The following USP10 variants were observed in gnomAD, a reference collection of about 807,000 sequenced individuals.
USP10 encodes ubiquitin specific peptidase 10, also known as ubiquitin carboxyl-terminal hydrolase 10.
In USP10, 22 loss-of-function variants were observed where a neutral mutation model predicts 84.5. The observed-to-expected ratio is 0.26, with a 90% confidence interval of 0.19 to 0.37. USP10 has a LOEUF of 0.37. USP10 is among the 10% of genes least tolerant of loss of function. The pLI, the probability that USP10 is intolerant of heterozygous loss-of-function variation, is 1.00. For synonymous variants in USP10, 454 were observed against 387.6 expected, an observed-to-expected ratio of 1.17 and a Z score of -2.01; for missense variants, 1,019 against 998.9, an observed-to-expected ratio of 1.02 and a Z score of -0.27.
chr16:84,777,538 G>A (rs1915142837), intron 13 of USP10, among the ~76,000 whole-genome samples: 1 of 152,190 alleles, frequency 6.6e-6, no homozygotes, highest in Admixed American at 6.5e-5. Context: ...TGGATTGGCT[G>A]TGTCCCTGGC....
At chr16:84,754,124 C>T (rs938881219) in intron 4 of USP10, among the ~76,000 whole-genome samples, 1 of 152,116 alleles carries the variant, frequency 6.6e-6, no homozygotes, top group East Asian at 1.9e-4. Context: ...AGGAGGCACA[C>T]AGCACTAATA....
intron 1 of USP10, among the ~76,000 whole-genome samples, chr16:84,712,657 T>G (rs1174725894): frequency 1.3e-5 from 2 of 152,186 alleles, no homozygotes; most frequent in Non-Finnish European, 2.9e-5. Flanking sequence ...TGAGAGCTGA[T>G]GAAGAAGAGG....
chr16:84,766,520 C>T (rs902563870), intron 10 of USP10, among the ~76,000 whole-genome samples: 1 of 152,256 alleles, frequency 6.6e-6, no homozygotes, highest in Admixed American at 6.5e-5. Flanking sequence ...ATTGTGAGGA[C>T]ACCCCCTCGG....
At chr16:84,742,670 C>T (rs568746768) in intron 3 of USP10, among the ~76,000 whole-genome samples, 1 of 152,320 alleles carries the variant, frequency 6.6e-6, no homozygotes, top group African/African-American at 2.4e-5. Flanking sequence ...TGCACTTCGT[C>T]TGCCTGGCAC....
In USP10 at chr16:84,745,273, G is replaced by A. The variant is rs751447406; in HGVS notation, c.792G>A (p.Leu264=). 1.9e-5 allele frequency: 31 copies of A among 1,613,298 alleles called. No homozygotes were observed. In the South Asian group the frequency reaches 3.0e-4, roughly 15 times the overall value. ...CFPAEAGRDT[L]SRTAGAQPCV... ...CTGCAGAGGCTGGCAGAGACACCCT[G>A]TCAAGGACAGCTGGGGCTCAGCCCT... Residue 264 remains leucine (L), a synonymous_variant, in exon 4 of 14, where the codon CTG becomes CTA. Coordinates refer to ENST00000219473, the MANE Select transcript of USP10 (RefSeq NM_005153.3).
At chr16:84,752,427 A>G (rs375280033) in intron 4 of USP10, among the ~76,000 whole-genome samples, 27 of 152,358 alleles carry the variant, frequency 1.8e-4, no homozygotes, top group East Asian at 1.5e-3. Flanking sequence ...GTCAAGTTTC[A>G]ACCTAGAAGT....
intron 1 of USP10, among the ~76,000 whole-genome samples, chr16:84,730,818 T>C (rs1295118228): frequency 6.6e-6 from 1 of 152,176 alleles, no homozygotes; most frequent in East Asian, 1.9e-4. Context: ...TTATTTTCCA[T>C]TGTCTAGGAA....
chr16:84,707,661 C>T (rs1188663612), intron 1 of USP10, among the ~76,000 whole-genome samples: 4 of 152,162 alleles, frequency 2.6e-5, no homozygotes, highest in Non-Finnish European at 5.9e-5. Flanking sequence ...CTAATTTTGC[C>T]AGGGAATGAA....
rs3764331 is a variant in USP10 at position 84,759,742 on chromosome 16, G to C, written c.1395-149G>C. Reference sequence around the variant, plus strand: ...AAATAGACCAAAAATGCATATAGAAGAGACTTGAGTTCACTAGCTGTTACA... The same window carrying C: ...AAATAGACCAAAAATGCATATAGAACAGACTTGAGTTCACTAGCTGTTACA... On this transcript the variant is annotated intron_variant, in intron 6 of 13. Coordinates refer to ENST00000219473, the MANE Select transcript of USP10 (RefSeq NM_005153.3). 3.6e-4 allele frequency: 291 copies of C among 806,942 alleles called. 1 individual carries two copies. The African/African-American group carries it at 4.3e-3, about 12-fold the overall frequency. 50.0% of individuals were successfully genotyped at this position (806,942 alleles called of 1,614,324 possible).
At chr16:84,755,215 A>T (rs1912392063) in intron 4 of USP10, among the ~76,000 whole-genome samples, 1 of 151,502 alleles carries the variant, frequency 6.6e-6, no homozygotes, top group African/African-American at 2.4e-5. Flanking sequence ...ACAGGAATGA[A>T]CATGTTCAAG....
intron 11 of USP10, among the ~76,000 whole-genome samples, chr16:84,771,803 T>C (rs1378018955): frequency 6.6e-6 from 1 of 151,996 alleles, no homozygotes; most frequent in Non-Finnish European, 1.5e-5. Flanking sequence ...GGGAGACGGA[T>C]GTTGCAGTGA....
chr16:84,723,146 GTTT>G (rs36122502), intron 1 of USP10, among the ~76,000 whole-genome samples: 1 of 142,100 alleles, frequency 7.0e-6, no homozygotes, highest in Non-Finnish European at 1.6e-5. Flanking sequence ...CACATCCAGG[GTTT>G]TTTTTTTTTT....
At chr16:84,713,583 G>A (rs755124325) in intron 1 of USP10, among the ~76,000 whole-genome samples, 2 of 152,138 alleles carry the variant, frequency 1.3e-5, no homozygotes, top group Non-Finnish European at 2.9e-5. Flanking sequence ...CACTGCTGGG[G>A]CCCCTAGTCC....
chr16:84,721,380 A>G (rs1003146978), intron 1 of USP10, among the ~76,000 whole-genome samples: 25 of 152,226 alleles, frequency 1.6e-4, no homozygotes, highest in African/African-American at 5.5e-4. Flanking sequence ...AAAGATTACA[A>G]CTGTGGCCAT....
At chr16:84,752,205 T>C (rs971196637) in intron 4 of USP10, among the ~76,000 whole-genome samples, 5 of 152,218 alleles carry the variant, frequency 3.3e-5, no homozygotes, top group Admixed American at 6.5e-5. Context: ...CACATTGTTC[T>C]AGGCAGCCCC....
chr16:84,707,200 A>T (rs1461427530), intron 1 of USP10, among the ~76,000 whole-genome samples: 1 of 152,194 alleles, frequency 6.6e-6, no homozygotes, highest in East Asian at 1.9e-4. Flanking sequence ...AGACTGATGA[A>T]GGCATAATCT....
Position 84,775,203 on chromosome 16 carries a change from C to G in USP10, c.2187C>G (p.His729Gln). ...PGVKNKNFKC[H>Q]RTYRLFAVVY... ...TTAAAAATAAGAATTTTAAATGCCA[C>G]CGAACCTATCGGCTCTTTGCAGGTG... The change falls in exon 13 of 14, where the codon CAC (histidine) becomes CAG (glutamine). Residue 729 changes from histidine to glutamine, a missense_variant. Physicochemically the swap from His to Gln is conservative, Grantham distance 24. Coordinates refer to ENST00000219473, the MANE Select transcript of USP10 (RefSeq NM_005153.3). 1 of 1,613,776 alleles carries G rather than the reference C, an allele frequency of 6.2e-7. No homozygotes were observed. The highest frequency in any genetic ancestry group is 8.5e-7 in the Non-Finnish European group (1 of 1,179,702).
chr16:84,701,758 A>C (rs1473361904), intron 1 of USP10, among the ~76,000 whole-genome samples: 1 of 152,202 alleles, frequency 6.6e-6, no homozygotes, highest in African/African-American at 2.4e-5. Context: ...TTTACGTTTT[A>C]TACAACAGTC....
chr16:84,751,389 G>A (rs961429123), intron 4 of USP10, among the ~76,000 whole-genome samples: 9 of 152,182 alleles, frequency 5.9e-5, no homozygotes, highest in African/African-American at 1.7e-4. Context: ...CTCCTTGGGG[G>A]AAATGGTTTC....
Sources: gnomAD v4.1 joint callset for allele counts (sites outside exome capture counted in the v4.1 genomes callset) on GRCh38, gnomAD v4.1.1 for gene constraint, MANE v1.5 for transcripts, NCBI Gene and HGNC (gene_info 2026-07-23, HGNC 2026-07-21) for gene names.